The following DNASE1 variants were observed in gnomAD, a reference collection of about 807,000 sequenced individuals.
DNASE1 encodes the protein deoxyribonuclease 1.
In DNASE1, 40 loss-of-function variants were observed where a neutral mutation model predicts 33.9. That is an observed-to-expected ratio of 1.18 (90% CI 0.92 to 1.54). DNASE1 has a LOEUF of 1.54. Ranked by LOEUF, DNASE1 falls within the 40% of genes most tolerant of loss-of-function variation. DNASE1 has a pLI of 0.00. For synonymous variants in DNASE1, 216 were observed against 160.0 expected, an observed-to-expected ratio of 1.35 and a Z score of -2.64; for missense variants, 518 against 372.6, an observed-to-expected ratio of 1.39 and a Z score of -3.21.
intron 1 of DNASE1, among the ~76,000 whole-genome samples, chr16:3,643,605 G>A (rs1479088485): frequency 6.6e-6 from 1 of 152,196 alleles, no homozygotes; most frequent in East Asian, 1.9e-4. Context: ...CTTCTGTCAC[G>A]CACAGTCCCT....
chr16:3,641,485 G>A (rs1425239825), upstream of DNASE1, among the ~76,000 whole-genome samples: 1 of 152,160 alleles, frequency 6.6e-6, no homozygotes, highest in Non-Finnish European at 1.5e-5. Context: ...CTGGGGCAGG[G>A]TGAGGGACAG....
At chr16:3,623,030 G>A (rs1451610854) in intron 1 of DNASE1, among the ~76,000 whole-genome samples, 2 of 152,076 alleles carry the variant, frequency 1.3e-5, no homozygotes, top group Admixed American at 6.6e-5. Flanking sequence ...CATCTCTAAT[G>A]TACCTGCCCC....
intron 1 of DNASE1, among the ~76,000 whole-genome samples, chr16:3,619,649 C>T (rs976598986): frequency 1.3e-5 from 2 of 152,076 alleles, no homozygotes; most frequent in Non-Finnish European, 2.9e-5. Flanking sequence ...GCATGAGCCA[C>T]TGTGCCTGGC....
In DNASE1 at chr16:3,655,433, C is replaced by T. The variant is rs371362495; in HGVS notation, c.60C>T (p.Ala20=). The part of the protein sequence containing the change: ...LLALAALLQG[A]VSLKIAAFNI... Reference sequence around the variant, plus strand: ...CACTGGCGGCCCTACTGCAGGGGGCCGTGTCCCTGAAGATCGCAGCCTTCA... The same window carrying T: ...CACTGGCGGCCCTACTGCAGGGGGCTGTGTCCCTGAAGATCGCAGCCTTCA... Residue 20 remains alanine, a synonymous_variant, in exon 2 of 9, where the codon GCC becomes GCT. Transcript: ENST00000246949. 95 of 1,613,974 alleles carry T rather than the reference C, an allele frequency of 5.9e-5. No homozygotes were observed. The Admixed American group carries it at 7.7e-4, about 13-fold the overall frequency.
Position 3,619,641 on chromosome 16 carries a change from A to G in DNASE1, c.-1359+7635A>G, listed in dbSNP as rs180792541. 8.7e-3 allele frequency among the ~76,000 whole-genome samples: 1,316 copies of G among 151,920 alleles called. 19 individuals are homozygous for G. The highest frequency in any genetic ancestry group is 0.029 in the African/African-American group (1,189 of 41,452). On this transcript the variant is annotated intron_variant and NMD_transcript_variant, in intron 1 of 11. Transcript: ENST00000570769. ...CTCCCAAAGTGCTGGGATTACAGGC[A>G]TGAGCCACTGTGCCTGGCCGCCTGT...
At chr16:3,644,446 C>A (rs1305895586) in intron 1 of DNASE1, among the ~76,000 whole-genome samples, 5 of 152,000 alleles carry the variant, frequency 3.3e-5, no homozygotes, top group Admixed American at 2.6e-4. Context: ...ACCTGTAATC[C>A]CAGCTACTCA....
At chr16:3,658,547 C>G (rs1424455155), downstream of DNASE1, 5 of 576,232 alleles carry the variant, frequency 8.7e-6, no homozygotes, top group Admixed American at 1.2e-4. Context: ...CAGGCGCATG[C>G]CTGTAGTCCC....
chr16:3,620,400 T>C (rs2041265454), intron 1 of DNASE1, among the ~76,000 whole-genome samples: 1 of 151,932 alleles, frequency 6.6e-6, no homozygotes, highest in Admixed American at 6.6e-5. Flanking sequence ...GTACTCAGTG[T>C]GTCACCCAGG....
upstream of DNASE1, chr16:3,654,470 ACTTTGGATGTGG>A (rs1253746154): frequency 3.3e-5 from 13 of 398,556 alleles, no homozygotes; most frequent in Non-Finnish European, 5.7e-5. Context: ...TCCATTTGCA[ACTTTGGATGTGG>A]CTTTGGCCTC....
At chr16:3,661,490 A>T (rs530467656), downstream of DNASE1, 1 of 152,658 alleles carries the variant, frequency 6.6e-6, no homozygotes, top group Non-Finnish European at 1.5e-5. Flanking sequence ...CTGGCTCTCC[A>T]CAACTTCTGA....
rs898185503 is a variant in DNASE1 at position 3,644,222 on chromosome 16, T to G, written c.-86+1186T>G. Among the ~76,000 whole-genome samples the G allele has an allele frequency of 4.6e-5, 7 of 152,150 alleles. No individual in the cohort carries two copies. In the South Asian group the frequency reaches 6.2e-4, roughly 14 times the overall value. On this transcript the variant is annotated intron_variant, in intron 1 of 9. Transcript: ENST00000407479. ...CTTTGGGAAGCTGAGGTGAAGAGTTTGAGACCAGCCTGGGCAACACAGCAA... is the reference window on the plus strand; with the variant it reads ...CTTTGGGAAGCTGAGGTGAAGAGTTGGAGACCAGCCTGGGCAACACAGCAA...
exon 10 of DNASE1, chr16:3,664,064 A>G (rs2050762528): frequency 9.1e-6 from 5 of 550,016 alleles, no homozygotes; most frequent in African/African-American, 1.9e-5. Context: ...CTCCATCTCA[A>G]AAAAACAAAA....
chr16:3,658,222 C>T (rs1442675837), downstream of DNASE1: 1 of 1,613,650 alleles, frequency 6.2e-7, no homozygotes, highest in Non-Finnish European at 8.5e-7. Flanking sequence ...TCATGGCGTT[C>T]TCGTATATCT....
At chr16:3,642,867 T>G (rs935822983), upstream of DNASE1, 1 of 152,312 alleles carries the variant, frequency 6.6e-6, no homozygotes, top group African/African-American at 2.4e-5. Flanking sequence ...CCTCAGCCCC[T>G]CCCCTTTTCA....
upstream of DNASE1, among the ~76,000 whole-genome samples, chr16:3,640,045 G>T (rs1052689847): frequency 2.0e-5 from 3 of 152,216 alleles, no homozygotes; most frequent in African/African-American, 4.8e-5. Context: ...TGCTGCTTTA[G>T]TCTGCAGTTG....
chr16:3,619,375 T>A (rs1197464320), intron 1 of DNASE1, among the ~76,000 whole-genome samples: 3 of 149,534 alleles, frequency 2.0e-5, no homozygotes, highest in Non-Finnish European at 4.4e-5. Flanking sequence ...TTTTATTTTT[T>A]TTTGGAGACA....
intron 1 of DNASE1, among the ~76,000 whole-genome samples, chr16:3,623,394 G>GA (rs1288103678): frequency 2.0e-5 from 3 of 152,050 alleles, no homozygotes; most frequent in Admixed American, 2.0e-4. Flanking sequence ...GAAACCCTAG[G>GA]AAAAACTCTT....
intron 1 of DNASE1, among the ~76,000 whole-genome samples, chr16:3,612,618 C>T (rs1268129417): frequency 4.1e-5 from 6 of 146,342 alleles, no homozygotes; most frequent in African/African-American, 1.5e-4. Context: ...CTATGTTGCC[C>T]AGGCTGGTCT....
Position 3,656,281 on chromosome 16 carries a change from A to T in DNASE1, c.320+96A>T, listed in dbSNP as rs570361027. The T allele has an allele frequency of 5.0e-4, 662 of 1,326,494 alleles. 1 individual carries two copies. The highest frequency in any genetic ancestry group is 6.7e-4 in the Non-Finnish European group (622 of 932,082). The allele number at this position is 1,326,494 out of a possible 1,614,324, so 82.2% of individuals were successfully genotyped here. On this transcript the variant is annotated intron_variant, in intron 4 of 8. Transcript: ENST00000246949. Reference sequence around the variant, plus strand: ...TGTCCTATTAGTTTGTCCTATGGCAAGAACCTGAGGCTTCAGAGCAGGGTC... The same window carrying T: ...TGTCCTATTAGTTTGTCCTATGGCATGAACCTGAGGCTTCAGAGCAGGGTC...
Sources: gnomAD v4.1 joint callset for allele counts (sites outside exome capture counted in the v4.1 genomes callset) on GRCh38, gnomAD v4.1.1 for gene constraint, MANE v1.5 for transcripts, NCBI Gene and HGNC (gene_info 2026-07-23, HGNC 2026-07-21) for gene names.